The following TAFA4 variants were observed in gnomAD, a reference collection of about 807,000 sequenced individuals.
The protein encoded by TAFA4 is chemokine-like protein TAFA-4.
TAFA4 carries 20 observed loss-of-function variants against 21.1 expected under a neutral mutation model. The ratio of observed to expected loss-of-function variants is 0.95; its 90% CI spans 0.67 to 1.38. TAFA4 has a LOEUF of 1.38. TAFA4 is among the 40% of genes most tolerant of loss of function. The pLI is 0.00. For synonymous variants in TAFA4, 71 were observed against 67.4 expected (o/e 1.05, Z -0.26); for missense variants, 211 against 180.9 (o/e 1.17, Z -0.95).
In TAFA4 at chr3:68,739,886, C is replaced by T. The variant is rs114044756; in HGVS notation, c.287-687G>A. On this transcript the variant is annotated intron_variant, in intron 4 of 5. Transcript: ENST00000295569. The stretch of plus-strand genomic sequence containing the variant: ...TGGAGACTTGGAAGGGTGGGAAGGA[C>T]GAGAAGTTACTTAAGGGGTACAAAG... Among the ~76,000 whole-genome samples, 915 of 152,214 alleles carry T rather than the reference C, an allele frequency of 6.0e-3. 14 individuals carry two copies. Among genetic ancestry groups the T allele is most frequent in the African/African-American group, 0.021 (883 of 41,534 alleles).
At chr3:68,885,367 T>A in intron 1 of TAFA4, 57 bp from the exon 2 acceptor site, 1 of 583,942 alleles carries the variant, frequency 1.7e-6, no homozygotes, top group Non-Finnish European at 3.0e-6. Context: ...AATGTTAAAA[T>A]GAAACTAATT....
intron 3 of TAFA4, among the ~76,000 whole-genome samples, chr3:68,814,152 T>G (rs1368522413): frequency 2.6e-5 from 4 of 152,180 alleles, no homozygotes; most frequent in Non-Finnish European, 5.9e-5. Context: ...AATTAGGTAT[T>G]GATGGGATGT....
intron 1 of TAFA4, among the ~76,000 whole-genome samples, chr3:68,901,667 T>G (rs2089844947): frequency 6.6e-6 from 1 of 152,210 alleles, no homozygotes; most frequent in South Asian, 2.1e-4. Context: ...TTCTAGAACA[T>G]TTATTTCTAC....
chr3:68,765,543 C>A (rs1702836817), intron 3 of TAFA4, among the ~76,000 whole-genome samples: 1 of 152,186 alleles, frequency 6.6e-6, no homozygotes, highest in Admixed American at 6.5e-5. Flanking sequence ...GAATGCTACT[C>A]TCATGTGGCA....
intron 3 of TAFA4, among the ~76,000 whole-genome samples, chr3:68,879,551 C>T (rs1237710816): frequency 6.6e-6 from 1 of 152,110 alleles, no homozygotes; most frequent in African/African-American, 2.4e-5. Flanking sequence ...TAAAAATAGG[C>T]ACAGCACAAT....
chr3:68,791,299 TAAG>T (rs1703356539), intron 3 of TAFA4, among the ~76,000 whole-genome samples: 1 of 152,214 alleles, frequency 6.6e-6, no homozygotes, highest in South Asian at 2.1e-4. Flanking sequence ...GGTGTCCTTG[TAAG>T]AAGAGGAAAA....
intron 3 of TAFA4, among the ~76,000 whole-genome samples, chr3:68,876,600 A>G (rs371602338): frequency 3.9e-5 from 6 of 152,316 alleles, no homozygotes; most frequent in African/African-American, 1.4e-4. Flanking sequence ...AATTTCAGCC[A>G]TCATAGGGGA....
Position 68,899,120 on chromosome 3 carries a change from T to C in TAFA4, c.-122-13810A>G, listed in dbSNP as rs548629530. 1.5e-3 allele frequency among the ~76,000 whole-genome samples: 227 copies of C among 152,318 alleles called. 6 individuals are homozygous for C. In the South Asian group the frequency reaches 0.026, roughly 17 times the overall value. On this transcript the variant is annotated intron_variant, in intron 1 of 5. Transcript: ENST00000295569. ...ACATAAATTTCAGCCACATATCTACTTTTTCATGTGTAAACTTTATGAAAT... is the reference window on the plus strand; with the variant it reads ...ACATAAATTTCAGCCACATATCTACCTTTTCATGTGTAAACTTTATGAAAT...
chr3:68,841,120 G>A lies in TAFA4; in HGVS notation c.130+39610C>T, dbSNP rs952330836. On this transcript the variant is annotated intron_variant, in intron 3 of 5. Transcript: ENST00000295569. ...GGGCGGATCACGAGGTCAGGAGATCGAGACCATCCCGGCTAAAACGGTGAA... is the reference window on the plus strand; with the variant it reads ...GGGCGGATCACGAGGTCAGGAGATCAAGACCATCCCGGCTAAAACGGTGAA... Among the ~76,000 whole-genome samples the A allele has an allele frequency of 1.4e-4, 18 of 132,908 alleles. 4 individuals carry two copies. Among genetic ancestry groups the A allele is most frequent in the Admixed American group, 2.2e-4 (3 of 13,762 alleles). 87.2% of individuals were successfully genotyped at this position (132,908 alleles called of 152,430 possible).
At chr3:68,753,186 G>A (rs1349720176) in intron 3 of TAFA4, among the ~76,000 whole-genome samples, 168 bp from the exon 4 acceptor site, 1 of 152,102 alleles carries the variant, frequency 6.6e-6, no homozygotes, top group Admixed American at 6.6e-5. Context: ...ATATAAAGGT[G>A]GTGAGAAGAG....
intron 5 of TAFA4, 88 bp downstream of exon 5, chr3:68,738,987 T>C: frequency 6.4e-7 from 1 of 1,556,714 alleles, no homozygotes; most frequent in Non-Finnish European, 8.7e-7. Flanking sequence ...CACATAATAA[T>C]GTGTTCTTGA....
intron 3 of TAFA4, among the ~76,000 whole-genome samples, chr3:68,796,516 A>T (rs1480287367): frequency 6.6e-6 from 1 of 152,174 alleles, no homozygotes; most frequent in Non-Finnish European, 1.5e-5. Flanking sequence ...AAAAACCTAA[A>T]TGTAAGACCT....
intron 1 of TAFA4, among the ~76,000 whole-genome samples, chr3:68,913,189 G>T (rs538248918): frequency 5.1e-4 from 77 of 152,306 alleles, no homozygotes; most frequent in Non-Finnish European, 9.8e-4. Flanking sequence ...AACTTCCTGT[G>T]TCAAAACACT....
At chr3:68,846,580 T>A (rs1704803737) in intron 3 of TAFA4, among the ~76,000 whole-genome samples, 1 of 152,142 alleles carries the variant, frequency 6.6e-6, no homozygotes, top group Non-Finnish European at 1.5e-5. Context: ...GTTGTGATCC[T>A]TTGAAAGAGA....
At chr3:68,770,803 G>A (rs112554435) in intron 3 of TAFA4, among the ~76,000 whole-genome samples, 5 of 152,122 alleles carry the variant, frequency 3.3e-5, no homozygotes, top group Admixed American at 6.5e-5. Context: ...GTGGGGTCCC[G>A]GCGAGGGCTC....
At chr3:68,809,367 C>T (rs548990608) in intron 3 of TAFA4, among the ~76,000 whole-genome samples, 2 of 152,246 alleles carry the variant, frequency 1.3e-5, no homozygotes, top group East Asian at 3.9e-4. Flanking sequence ...ATAACTTGAA[C>T]ATTAAAGTTC....
chr3:68,875,717 A>C (rs973475749), intron 3 of TAFA4, among the ~76,000 whole-genome samples: 4 of 152,136 alleles, frequency 2.6e-5, no homozygotes, highest in African/African-American at 9.7e-5. Context: ...TTTAAGACTT[A>C]ATGGTTGATA....
At chr3:68,842,938 C>A (rs556417213) in intron 3 of TAFA4, among the ~76,000 whole-genome samples, 5 of 152,238 alleles carry the variant, frequency 3.3e-5, no homozygotes, top group Non-Finnish European at 5.9e-5. Context: ...GTTACTGTAG[C>A]CTTGGAGTGT....
chr3:68,849,998 G>A (rs1442332642), intron 3 of TAFA4, among the ~76,000 whole-genome samples: 2 of 152,132 alleles, frequency 1.3e-5, no homozygotes, highest in African/African-American at 4.8e-5. Flanking sequence ...GGTACATATT[G>A]AGAAATGATT....
Sources: gnomAD v4.1 joint callset for allele counts (sites outside exome capture counted in the v4.1 genomes callset) on GRCh38, gnomAD v4.1.1 for gene constraint, MANE v1.5 for transcripts, NCBI Gene and HGNC (gene_info 2026-07-23, HGNC 2026-07-21) for gene names.